The following CFAP95 variants were observed in gnomAD, a reference collection of about 807,000 sequenced individuals.
CFAP95 encodes cilia- and flagella-associated protein 95.
chr9:69,890,749 A>G, the CFAP95 span, among the ~76,000 whole-genome samples: 1 of 152,218 alleles, frequency 6.6e-6, no homozygotes, highest in Non-Finnish European at 1.5e-5. Flanking sequence ...TGTTGTGCAT[A>G]AATTGAGACT....
At chr9:69,880,774 C>T in the CFAP95 span, among the ~76,000 whole-genome samples, 1 of 152,210 alleles carries the variant, frequency 6.6e-6, no homozygotes, top group Non-Finnish European at 1.5e-5. Context: ...TACATTCTTA[C>T]AACAGTATAT....
At chr9:69,877,744 T>A in the CFAP95 span, among the ~76,000 whole-genome samples, 1 of 152,204 alleles carries the variant, frequency 6.6e-6, no homozygotes, top group Admixed American at 6.5e-5. Flanking sequence ...ATGATTTTGT[T>A]TCCTTTATTC....
chr9:69,860,302 G>A, the CFAP95 span, among the ~76,000 whole-genome samples: 2 of 152,032 alleles, frequency 1.3e-5, no homozygotes, highest in African/African-American at 4.8e-5. Context: ...AAGGTGAAGG[G>A]GAGGCAGGAA....
chr9:69,824,008 C>G, the CFAP95 span, among the ~76,000 whole-genome samples: 42,622 of 152,120 alleles, frequency 0.28, 6,688 homozygotes, highest in South Asian at 0.36. Flanking sequence ...GATATGATGG[C>G]TTAGTTTGGG....
chr9:69,888,650 T>C, the CFAP95 span, among the ~76,000 whole-genome samples: 1 of 152,070 alleles, frequency 6.6e-6, no homozygotes, highest in Non-Finnish European at 1.5e-5. Flanking sequence ...CCGAGGCAGG[T>C]GGATCACTTG....
chr9:69,860,418 C>T, the CFAP95 span, among the ~76,000 whole-genome samples: 1 of 152,048 alleles, frequency 6.6e-6, no homozygotes, highest in Non-Finnish European at 1.5e-5. Context: ...GGGCACCAAG[C>T]CACTCATGAG....
chr9:69,853,653 A>G, the CFAP95 span, among the ~76,000 whole-genome samples: 1 of 152,198 alleles, frequency 6.6e-6, no homozygotes, highest in African/African-American at 2.4e-5. Context: ...TTTCTGCACC[A>G]AAGTGATTTT....
the CFAP95 span, among the ~76,000 whole-genome samples, chr9:69,896,610 G>A: frequency 6.6e-6 from 1 of 152,200 alleles, no homozygotes; most frequent in Non-Finnish European, 1.5e-5. Flanking sequence ...ATAAATAGGA[G>A]TAGTAAATAC....
the CFAP95 span, among the ~76,000 whole-genome samples, chr9:69,892,229 G>T: frequency 1.1e-3 from 162 of 152,050 alleles, no homozygotes; most frequent in African/African-American, 3.6e-3. Flanking sequence ...ATGTTCACGG[G>T]CCCCTAAAAG....
the CFAP95 span, among the ~76,000 whole-genome samples, chr9:69,849,018 T>C: frequency 6.6e-6 from 1 of 152,228 alleles, no homozygotes; most frequent in African/African-American, 2.4e-5. Flanking sequence ...TAAGTCCCAC[T>C]TGTTCAATAA....
the CFAP95 span, among the ~76,000 whole-genome samples, chr9:69,891,605 C>A: frequency 4.6e-5 from 7 of 152,166 alleles, no homozygotes; most frequent in South Asian, 2.1e-4. Context: ...ACCAAACCCC[C>A]ATGATATGAA....
At chr9:69,857,190 A>T in the CFAP95 span, among the ~76,000 whole-genome samples, 1 of 152,168 alleles carries the variant, frequency 6.6e-6, no homozygotes, top group African/African-American at 2.4e-5. Context: ...TTGTTCTCTG[A>T]GTATTTTATG....
the CFAP95 span, among the ~76,000 whole-genome samples, chr9:69,879,989 T>C: frequency 2.0e-5 from 3 of 152,092 alleles, no homozygotes; most frequent in Admixed American, 6.5e-5. Flanking sequence ...GTTTATTTTT[T>C]ATTATTTTAT....
chr9:69,854,567 A>G, the CFAP95 span, among the ~76,000 whole-genome samples: 1 of 152,132 alleles, frequency 6.6e-6, no homozygotes, highest in Non-Finnish European at 1.5e-5. Context: ...CTTTTTTAAA[A>G]CAGAAATAAA....
At chr9:69,827,953 T>A in the CFAP95 span, among the ~76,000 whole-genome samples, 3 of 152,202 alleles carry the variant, frequency 2.0e-5, no homozygotes, top group African/African-American at 7.2e-5. Flanking sequence ...TTGCCCAGGA[T>A]GGTTTACTCT....
the CFAP95 span, among the ~76,000 whole-genome samples, chr9:69,853,950 G>C: frequency 6.6e-6 from 1 of 152,182 alleles, no homozygotes; most frequent in Non-Finnish European, 1.5e-5. Context: ...TCTTTCCAAG[G>C]AAACAACTAT....
At chr9:69,904,454 T>C in the CFAP95 span, among the ~76,000 whole-genome samples, 1 of 152,242 alleles carries the variant, frequency 6.6e-6, no homozygotes, top group African/African-American at 2.4e-5. Context: ...ATGTGAATGA[T>C]TGAGATCCAA....
chr9:69,903,873 C>T, the CFAP95 span, among the ~76,000 whole-genome samples: 2 of 151,948 alleles, frequency 1.3e-5, no homozygotes, highest in East Asian at 1.9e-4. Flanking sequence ...ACTACAAGAA[C>T]GTGTCATCAT....
the CFAP95 span, among the ~76,000 whole-genome samples, chr9:69,839,381 G>A: frequency 6.6e-6 from 1 of 150,914 alleles, no homozygotes; most frequent in Non-Finnish European, 1.5e-5. Flanking sequence ...TTTTTGGTTG[G>A]TAAGCTATTG....
Sources: allele counts gnomAD v4.1 joint callset (sites outside exome capture counted in the v4.1 genomes callset), GRCh38; gene constraint gnomAD v4.1.1; transcripts MANE v1.5; gene names NCBI Gene and HGNC (gene_info 2026-07-23, HGNC 2026-07-21).